Variants in DTWD2 observed in about 807,000 individuals in gnomAD.
DTWD2 encodes the protein tRNA-uridine aminocarboxypropyltransferase 2.
DTWD2 carries 39 observed loss-of-function variants against 31.8 expected under a neutral mutation model. The observed-to-expected ratio is 1.22, with a 90% CI of 0.95 to 1.60. DTWD2 has a LOEUF of 1.60. Ranked by LOEUF, DTWD2 falls within the 40% of genes most tolerant of loss-of-function variation. The probability of loss-of-function intolerance (pLI) is 0.00; values close to 1 mark genes in which losing one functional copy is unlikely to be tolerated. For synonymous variants in DTWD2, 180 were observed against 142.8 expected (o/e 1.26, Z -1.86); for missense variants, 515 against 381.5 (o/e 1.35, Z -2.92).
chr5:118,865,670 T>C (rs980547958), intron 4 of DTWD2, among the ~76,000 whole-genome samples: 1 of 152,200 alleles, frequency 6.6e-6, no homozygotes, highest in African/African-American at 2.4e-5. Context: ...TTATGCTCCC[T>C]ATTTTGCCTT....
chr5:118,923,009 T>C (rs910263448), intron 4 of DTWD2, among the ~76,000 whole-genome samples: 2 of 152,216 alleles, frequency 1.3e-5, no homozygotes, highest in African/African-American at 4.8e-5. Context: ...GCCTGGTATA[T>C]ACTGCCAGGT....
intron 4 of DTWD2, among the ~76,000 whole-genome samples, chr5:118,870,531 C>G (rs1179805882): frequency 6.6e-6 from 1 of 152,164 alleles, no homozygotes; most frequent in Non-Finnish European, 1.5e-5. Context: ...GTTTTGCAGT[C>G]TATTAGGTAT....
intron 4 of DTWD2, among the ~76,000 whole-genome samples, chr5:118,859,063 A>C (rs1752200566): frequency 6.6e-6 from 1 of 152,200 alleles, no homozygotes; most frequent in African/African-American, 2.4e-5. Flanking sequence ...TGACCCCTCC[A>C]TAATAAAGTT....
intron 4 of DTWD2, among the ~76,000 whole-genome samples, chr5:118,897,998 G>C (rs1344482074): frequency 6.6e-6 from 1 of 151,984 alleles, no homozygotes; most frequent in Non-Finnish European, 1.5e-5. Context: ...CAAGTAGCTG[G>C]GACCACAGGC....
chr5:118,855,638 C>T (rs1435754913), intron 4 of DTWD2, among the ~76,000 whole-genome samples: 1 of 152,070 alleles, frequency 6.6e-6, no homozygotes, highest in Non-Finnish European at 1.5e-5. Flanking sequence ...TCTTTAGTAT[C>T]AAGACTGACA....
chr5:118,979,260 T>C (rs299191), intron 1 of DTWD2, among the ~76,000 whole-genome samples: 104,972 of 151,946 alleles, frequency 0.69, 36,690 homozygotes, highest in East Asian at 0.99. Context: ...GCAAAGACTG[T>C]GCCACTGCAC....
chr5:118,886,452 A>G (rs538178451), intron 4 of DTWD2, among the ~76,000 whole-genome samples: 1 of 152,346 alleles, frequency 6.6e-6, no homozygotes, highest in South Asian at 2.1e-4. Context: ...ATAATAGCAT[A>G]ACAAGGAAAT....
At chr5:118,958,138 G>C (rs1301107504) in intron 1 of DTWD2, among the ~76,000 whole-genome samples, 1 of 152,062 alleles carries the variant, frequency 6.6e-6, no homozygotes, top group East Asian at 1.9e-4. Flanking sequence ...CCACAAGTTG[G>C]TTATTTGAAA....
At chr5:118,947,444 C>CGAGCTGGA (rs1370715175) in intron 1 of DTWD2, among the ~76,000 whole-genome samples, 1 of 152,130 alleles carries the variant, frequency 6.6e-6, no homozygotes, top group African/African-American at 2.4e-5. Flanking sequence ...CCGACTGTCC[C>CGAGCTGGA]GAGCTGGACT....
intron 4 of DTWD2, among the ~76,000 whole-genome samples, chr5:118,914,044 C>A (rs1212468730): frequency 1.3e-5 from 2 of 152,126 alleles, no homozygotes; most frequent in East Asian, 3.9e-4. Flanking sequence ...ATGATTTTGT[C>A]TCACTGACCT....
chr5:118,969,873 A>G (rs191105475), intron 1 of DTWD2, among the ~76,000 whole-genome samples: 1 of 152,312 alleles, frequency 6.6e-6, no homozygotes, highest in Non-Finnish European at 1.5e-5. Flanking sequence ...AATGGGTAAT[A>G]AAAAGCTTCA....
intron 4 of DTWD2, among the ~76,000 whole-genome samples, chr5:118,861,184 T>TAA (rs1752252004): frequency 6.6e-6 from 1 of 152,246 alleles, no homozygotes; most frequent in African/African-American, 2.4e-5. Context: ...GTTAAATCAT[T>TAA]TAAGCAGACA....
intron 4 of DTWD2, among the ~76,000 whole-genome samples, chr5:118,904,018 G>C (rs1408539987): frequency 6.6e-6 from 1 of 151,990 alleles, no homozygotes; most frequent in East Asian, 1.9e-4. Context: ...GTACACTATA[G>C]TGTCTGTACT....
chr5:118,916,665 CAAAA>C (rs750721731), intron 4 of DTWD2, among the ~76,000 whole-genome samples: 5 of 90,348 alleles, frequency 5.5e-5, no homozygotes, highest in Non-Finnish European at 4.5e-5. Flanking sequence ...AACTCTGTCC[CAAAA>C]AAAAAAAAAA....
At chr5:118,978,313 G>A (rs565066028) in intron 1 of DTWD2, among the ~76,000 whole-genome samples, 18 of 152,192 alleles carry the variant, frequency 1.2e-4, no homozygotes, top group South Asian at 8.3e-4. Context: ...ACGTTGGCAC[G>A]GGCCAAGATC....
At chr5:118,862,202 G>A (rs1378505100) in intron 4 of DTWD2, among the ~76,000 whole-genome samples, 1 of 152,164 alleles carries the variant, frequency 6.6e-6, no homozygotes, top group Non-Finnish European at 1.5e-5. Context: ...ATCTGAAGTG[G>A]AATAGTTTCA....
intron 4 of DTWD2, among the ~76,000 whole-genome samples, chr5:118,912,803 G>A (rs1753487462): frequency 6.6e-6 from 1 of 152,176 alleles, no homozygotes; most frequent in Non-Finnish European, 1.5e-5. Context: ...GAATTCACCA[G>A]TAACTTATAG....
At position 118,988,342 on chromosome 5, in the gene DTWD2, T is replaced by A; in HGVS notation, c.170A>T (p.Glu57Val). 1 of 1,551,726 alleles carries A rather than the reference T, an allele frequency of 6.4e-7. No homozygotes were observed. The highest frequency in any genetic ancestry group is 8.7e-7 in the Non-Finnish European group (1 of 1,152,328). Residue 57 changes from glutamate to valine, a missense_variant, in exon 1 of 6, where the codon GAG becomes GTG. Coordinates refer to ENST00000510708, the MANE Select transcript of DTWD2 (RefSeq NM_173666.4). ...CCGCTCGGCCGGCTCCACCGGCAGC[T>A]CCCACAGCCCGTCCGCACTGTCGTC... The part of the protein sequence containing the change: ...ADDDSADGLW[E>V]LPVEPAERRP...
intron 4 of DTWD2, among the ~76,000 whole-genome samples, chr5:118,865,318 A>T (rs1032573295): frequency 2.6e-5 from 4 of 152,222 alleles, no homozygotes; most frequent in African/African-American, 4.8e-5. Flanking sequence ...AGCATAAAGG[A>T]ATAAAGCACT....
Sources: gnomAD v4.1 joint callset for allele counts (sites outside exome capture counted in the v4.1 genomes callset) on GRCh38, gnomAD v4.1.1 for gene constraint, MANE v1.5 for transcripts, NCBI Gene and HGNC (gene_info 2026-07-23, HGNC 2026-07-21) for gene names.